The following CLASP1 variants were observed in gnomAD, a reference collection of about 807,000 sequenced individuals.
CLASP1 encodes CLIP-associating protein 1.
In CLASP1, 38 loss-of-function variants were observed where a neutral mutation model predicts 192.3. The ratio of observed to expected loss-of-function variants is 0.20; its 90% CI spans 0.15 to 0.26. The LOEUF is 0.26. Among genes scored for constraint, CLASP1 ranks in the 10% least tolerant of loss-of-function variants. The probability of loss-of-function intolerance (pLI) is 1.00; values close to 1 mark genes in which losing one functional copy is unlikely to be tolerated. For missense variants in CLASP1, 1,433 were observed against 1,932.5 expected (o/e 0.74, Z 4.85); for synonymous variants, 691 against 712.8 (o/e 0.97, Z 0.49).
chr2:121,555,271 G>T (rs1347956467), intron 2 of CLASP1, among the ~76,000 whole-genome samples: 2 of 152,172 alleles, frequency 1.3e-5, no homozygotes, highest in African/African-American at 4.8e-5. Context: ...CCTCTTTCAG[G>T]ACTCGCTTCA....
At chr2:121,530,874 T>G (rs544898312) in intron 2 of CLASP1, 1 of 684,268 alleles carries the variant, frequency 1.5e-6, no homozygotes, top group African/African-American at 1.8e-5. Flanking sequence ...AGGGACTTTC[T>G]ATTATAACCA....
chr2:121,510,593 C>T (rs1052781619), intron 7 of CLASP1, among the ~76,000 whole-genome samples: 2 of 151,972 alleles, frequency 1.3e-5, no homozygotes, highest in African/African-American at 4.8e-5. Flanking sequence ...AAAAAATCAG[C>T]CTGAGACCAG....
intron 17 of CLASP1, among the ~76,000 whole-genome samples, 160 bp from the exon 18 acceptor site, chr2:121,448,485 C>T (rs959874052): frequency 1.5e-4 from 23 of 152,326 alleles, no homozygotes; most frequent in South Asian, 1.5e-3. Flanking sequence ...TGATTCCCAA[C>T]GAAGCTTTAG....
intron 2 of CLASP1, among the ~76,000 whole-genome samples, chr2:121,585,514 C>T (rs2061617979): frequency 6.6e-6 from 1 of 151,996 alleles, no homozygotes; most frequent in Non-Finnish European, 1.5e-5. Flanking sequence ...CATCCCCTGC[C>T]CTAAACAGGG....
chr2:121,514,330 C>T (rs935860743), intron 7 of CLASP1, among the ~76,000 whole-genome samples: 40 of 152,300 alleles, frequency 2.6e-4, no homozygotes, highest in African/African-American at 8.7e-4. Context: ...CCAACAATCA[C>T]GGTGACTTCG....
chr2:121,629,562 C>T (rs184053891), intron 1 of CLASP1, among the ~76,000 whole-genome samples: 359 of 152,058 alleles, frequency 2.4e-3, no homozygotes, highest in African/African-American at 8.3e-3. Context: ...AGGCCGAAGC[C>T]AGTGGATCAC....
chr2:121,635,140 T>C (rs2070571487), intron 1 of CLASP1, among the ~76,000 whole-genome samples: 1 of 150,180 alleles, frequency 6.7e-6, no homozygotes, highest in African/African-American at 2.5e-5. Flanking sequence ...CCAAGAGTTC[T>C]AGGCAGCAGT....
intron 8 of CLASP1, among the ~76,000 whole-genome samples, chr2:121,498,948 G>A (rs2093637914): frequency 6.6e-6 from 1 of 152,196 alleles, no homozygotes; most frequent in Non-Finnish European, 1.5e-5. Context: ...GGAGAAAGTG[G>A]AAACTCTTAC....
At chr2:121,639,804 A>G (rs979207635) in intron 1 of CLASP1, among the ~76,000 whole-genome samples, 2 of 150,592 alleles carry the variant, frequency 1.3e-5, no homozygotes, top group African/African-American at 2.4e-5. Flanking sequence ...CAGAGGTTGC[A>G]GTAAGCCAAG....
rs578060630 is a variant in CLASP1, at chr2:121,611,806, G to A, written c.-285-5626C>T. On this transcript the variant is annotated intron_variant, in intron 1 of 39. Transcript: ENST00000263710. ...GGAGAAAGAGGAACTGGAGGATGAT[G>A]AGGAGGAGTTACAGGAGGAAGAGGA... is the stretch of plus-strand genomic sequence containing the variant. Among the ~76,000 whole-genome samples the A allele has an allele frequency of 2.1e-5, 3 of 145,242 alleles. No homozygotes were observed. In the South Asian group the frequency reaches 6.8e-4, roughly 33 times the overall value.
rs1017637825 is a variant in CLASP1 at position 121,554,971 on chromosome 2, T to A, written c.196-24646A>T. ...GAATCATGCACAGAAGAACTTATTA[T>A]ACCTGCCCCAAACAAGTATTTCTTA... On this transcript the variant is annotated intron_variant, in intron 2 of 39. Coordinates refer to ENST00000263710, the Ensembl canonical transcript of CLASP1. Among the ~76,000 whole-genome samples the A allele has an allele frequency of 5.3e-5, 8 of 152,196 alleles. No homozygotes were observed. The East Asian group carries it at 1.3e-3, about 26-fold the overall frequency.
intron 1 of CLASP1, among the ~76,000 whole-genome samples, chr2:121,617,961 T>C (rs1020447376): frequency 6.6e-6 from 1 of 152,236 alleles, no homozygotes; most frequent in Admixed American, 6.5e-5. Context: ...TTGTTCCTTC[T>C]GCCAAAAACT....
At chr2:121,422,271 G>T (rs1481722472) in intron 22 of CLASP1, among the ~76,000 whole-genome samples, 1 of 152,134 alleles carries the variant, frequency 6.6e-6, no homozygotes, top group Non-Finnish European at 1.5e-5. Context: ...TGTCTCTCTG[G>T]TCTAGACATT....
At chr2:121,515,735 C>T (rs60656191) in exon 7 of CLASP1, 1 of 1,613,964 alleles carries the variant, frequency 6.2e-7, no homozygotes, top group African/African-American at 1.3e-5. Context: ...TAAATTTCCA[C>T]TAAGCTGTTT....
At chr2:121,379,042 T>C (rs1471259121) in intron 33 of CLASP1, among the ~76,000 whole-genome samples, 2 of 151,384 alleles carry the variant, frequency 1.3e-5, no homozygotes, top group African/African-American at 4.9e-5. Context: ...AGTGGCCAGA[T>C]CTCTACTGGC....
chr2:121,593,898 A>G (rs767874210), intron 2 of CLASP1, among the ~76,000 whole-genome samples: 2 of 151,756 alleles, frequency 1.3e-5, no homozygotes, highest in Admixed American at 1.3e-4. Flanking sequence ...GATCCCAGCT[A>G]CTTGGGAGGC....
At chr2:121,407,847 T>A (rs1310966269) in intron 24 of CLASP1, 132 bp from the exon 26 acceptor site, 1 of 1,061,836 alleles carries the variant, frequency 9.4e-7, no homozygotes, top group African/African-American at 1.6e-5. Flanking sequence ...ACACTTTTCC[T>A]GTGCTTATAG....
At chr2:121,446,576 C>T (rs2084384091) in intron 19 of CLASP1, among the ~76,000 whole-genome samples, 1 of 152,030 alleles carries the variant, frequency 6.6e-6, no homozygotes, top group African/African-American at 2.4e-5. Flanking sequence ...CAGCTAAGTC[C>T]CTAGATTTTG....
intron 19 of CLASP1, among the ~76,000 whole-genome samples, chr2:121,438,635 T>C (rs1221187144): frequency 1.3e-5 from 2 of 152,180 alleles, no homozygotes; most frequent in Non-Finnish European, 2.9e-5. Flanking sequence ...ATTACATTTA[T>C]TGATTTGCGT....
Sources: gnomAD v4.1 joint callset for allele counts (sites outside exome capture counted in the v4.1 genomes callset) on GRCh38, gnomAD v4.1.1 for gene constraint, MANE v1.5 for transcripts, NCBI Gene and HGNC (gene_info 2026-07-23, HGNC 2026-07-21) for gene names.